IFI44: variants seen among roughly 807,000 people sequenced by gnomAD.
IFI44 encodes the protein interferon-induced protein 44.
A neutral mutation model predicts 45.0 loss-of-function variants in IFI44; 42 were observed. The ratio of observed to expected loss-of-function variants is 0.93; its 90% CI spans 0.73 to 1.21. The LOEUF (loss-of-function observed/expected upper bound fraction) is 1.21. Among genes scored for constraint, IFI44 ranks in the 50% most tolerant of loss-of-function variants. The pLI, the probability that IFI44 is intolerant of heterozygous loss-of-function variation, is 0.00. For synonymous variants in IFI44, 221 were observed against 188.6 expected, an observed-to-expected ratio of 1.17 and a Z score of -1.41; for missense variants, 623 against 525.8, an observed-to-expected ratio of 1.18 and a Z score of -1.81.
chr1:78,655,639 C>G, intron 5 of IFI44, 128 bp downstream of exon 5: 1 of 814,074 alleles, frequency 1.2e-6, no homozygotes, highest in South Asian at 2.1e-5. Context: ...TTTTTTTTTT[C>G]AAAAAGAATA....
At chr1:78,650,796 T>G in intron 2 of IFI44, 144 bp downstream of exon 2, 2 of 586,340 alleles carry the variant, frequency 3.4e-6, no homozygotes, top group East Asian at 5.7e-5. Flanking sequence ...ACAGATTGTT[T>G]GCTAAGAGAC....
Position 78,659,479 on chromosome 1 carries a change from C to G in IFI44, c.1008C>G (p.Asn336Lys). 6.2e-7 allele frequency: 1 copy of G among 1,610,592 alleles called. No homozygotes were observed. The highest frequency in any genetic ancestry group is 8.5e-7 in the Non-Finnish European group (1 of 1,177,492). ...KIKRIRRELV[N>K]AGVVHVALLT... ...AAAGAATTCGAAGGGAGTTGGTAAA[C>G]GCTGGTGAGTCTCATTCCACTTTGC... Residue 336 changes from asparagine (N) to lysine (K), a missense_variant, in exon 6 of 9, where the codon AAC (asparagine) becomes AAG (lysine). Transcript: ENST00000370747.
At chr1:78,651,723 A>C (rs1243862853) in intron 2 of IFI44, among the ~76,000 whole-genome samples, 1 of 152,178 alleles carries the variant, frequency 6.6e-6, no homozygotes, top group Non-Finnish European at 1.5e-5. Context: ...GTCCCTGGCA[A>C]ACCACCATTC....
chr1:78,655,626 A>G, intron 5 of IFI44, 115 bp downstream of exon 5: 1 of 981,888 alleles, frequency 1.0e-6, no homozygotes, highest in African/African-American at 1.7e-5. Context: ...TGTCTCTTTT[A>G]GATTTTTTTT....
At position 78,652,491 on chromosome 1, in the gene IFI44, A is replaced by C. The variant is rs111679981; in HGVS notation, c.458-1752A>C. 6.5e-3 allele frequency among the ~76,000 whole-genome samples: 988 copies of C among 152,346 alleles called. 7 individuals are homozygous for C. Among genetic ancestry groups the C allele is most frequent in the African/African-American group, 0.023 (947 of 41,570 alleles). ...AAATATCATTAGTCTATTTACCAGGACATAAAATTACCAGCGTATTTATTA... is the reference window on the plus strand; with the variant it reads ...AAATATCATTAGTCTATTTACCAGGCCATAAAATTACCAGCGTATTTATTA... On this transcript the variant is annotated intron_variant, in intron 2 of 8. Transcript: ENST00000370747.
At chr1:78,658,846 A>T (rs1243996202) in intron 5 of IFI44, among the ~76,000 whole-genome samples, 5 of 152,124 alleles carry the variant, frequency 3.3e-5, no homozygotes, top group Non-Finnish European at 7.4e-5. Flanking sequence ...TAATCTTTGC[A>T]TATATCATTT....
chr1:78,656,312 T>C (rs1258287972), intron 5 of IFI44, among the ~76,000 whole-genome samples: 1 of 152,220 alleles, frequency 6.6e-6, no homozygotes, highest in Non-Finnish European at 1.5e-5. Flanking sequence ...TCTAAGTATA[T>C]ATTTTTTAAA....
intron 7 of IFI44, 62 bp downstream of exon 7, chr1:78,660,716 G>A (rs1403979413): frequency 9.4e-7 from 1 of 1,061,828 alleles, no homozygotes; most frequent in South Asian, 1.3e-5. Flanking sequence ...TCACATACTA[G>A]TGTGTATAAA....
chr1:78,655,333 CT>C (rs747211254), intron 4 of IFI44, 28 bp from the exon 5 acceptor site: 1 of 1,571,274 alleles, frequency 6.4e-7, no homozygotes, highest in Admixed American at 2.0e-5. Flanking sequence ...AAAAATGAAT[CT>C]TTAAAATTGC....
rs1647324730 is a variant in IFI44 at position 78,659,410 on chromosome 1, C to T, written c.939C>T (p.Ala313=). 6.2e-7 allele frequency: 1 copy of T among 1,613,212 alleles called. No individual in the cohort carries two copies. Among genetic ancestry groups the T allele is most frequent in the Non-Finnish European group, 8.5e-7 (1 of 1,179,458 alleles). ...RIHCVAFVFD[A]SSIQYFSSQM... ...ATTGTGTGGCATTTGTATTTGATGC[C>T]AGCTCTATTCAATACTTCTCCTCTC... The change falls in exon 6 of 9, where the codon GCC becomes GCT. Residue 313 remains alanine, a synonymous_variant. Coordinates refer to ENST00000370747, the MANE Select transcript of IFI44 (RefSeq NM_006417.5).
chr1:78,655,031 T>C lies in IFI44; in HGVS notation c.512T>C (p.Leu171Pro), dbSNP rs1647183918. The change falls in exon 4 of 9, where the codon CTG (leucine) becomes CCG (proline). Residue 171 changes from leucine (L) to proline (P), a missense_variant. Coordinates refer to ENST00000370747, the MANE Select transcript of IFI44 (RefSeq NM_006417.5). Reference protein sequence around the residue: ...KGVIELRKSLLSALRTYEPYG... With the variant: ...KGVIELRKSLPSALRTYEPYG... ...CTAAACAGGCTCAGGAAGAGCTTAC[T>C]GTCTGCCTTGAGAACTTATGAACCA... The C allele has an allele frequency of 3.1e-6, 5 of 1,613,040 alleles. No homozygotes were observed. Among genetic ancestry groups the C allele is most frequent in the Non-Finnish European group, 4.2e-6 (5 of 1,179,372 alleles).
At position 78,659,409 on chromosome 1, in the gene IFI44, C is replaced by T. The variant is rs761982466; in HGVS notation, c.938C>T (p.Ala313Val). The T allele has an allele frequency of 5.0e-6, 8 of 1,613,120 alleles. No homozygotes were observed. The highest frequency in any genetic ancestry group is 5.9e-6 in the Non-Finnish European group (7 of 1,179,270). The change falls in exon 6 of 9, where the codon GCC becomes GTC. Residue 313 changes from alanine to valine, a missense_variant. By Grantham distance (64) the Ala-to-Val change is moderately conservative. Coordinates refer to ENST00000370747, the MANE Select transcript of IFI44 (RefSeq NM_006417.5). ...RIHCVAFVFDASSIQYFSSQM... is the reference protein window; with the variant it reads ...RIHCVAFVFDVSSIQYFSSQM... The stretch of plus-strand genomic sequence containing the variant: ...CATTGTGTGGCATTTGTATTTGATG[C>T]CAGCTCTATTCAATACTTCTCCTCT...
Position 78,661,201 on chromosome 1 carries a change from A to G in IFI44, c.1113+547A>G, listed in dbSNP as rs567600075. On this transcript the variant is annotated intron_variant, in intron 7 of 8. Coordinates refer to ENST00000370747, the MANE Select transcript of IFI44 (RefSeq NM_006417.5). ...CCTCTGTCTCTCAGCAGCTGGGATT[A>G]CAGGCACATGCCACCATGCCTGGCT... Among the ~76,000 whole-genome samples the G allele has an allele frequency of 5.3e-5, 8 of 152,146 alleles. No homozygotes were observed. The South Asian group carries it at 1.7e-3, about 32-fold the overall frequency.
chr1:78,650,247 C>T lies in IFI44; in HGVS notation c.52C>T (p.His18Tyr), dbSNP rs1420634329. 2 of 1,610,422 alleles carry T rather than the reference C, an allele frequency of 1.2e-6. No homozygotes were observed. The highest frequency in any genetic ancestry group is 2.2e-5 in the South Asian group (2 of 90,942). ...TWLHEKILQN[H>Y]FGGKRLSLLY... ...GTTGCACGAAAAGATCCTGCAAAAT[C>T]ATTTTGGAGGGAAGCGGCTTAGCCT... Residue 18 changes from histidine (H) to tyrosine (Y), a missense_variant, in exon 2 of 9, where the codon CAT becomes TAT. Transcript: ENST00000370747.
rs1647167701 is a variant in IFI44 at position 78,654,149 on chromosome 1, A to G, written c.458-94A>G. Reference sequence around the variant, plus strand: ...ATTCTCATGGAAAGGCTATTTTTGTATTTGTCCCTAGTGAATTCACTGATA... The same window carrying G: ...ATTCTCATGGAAAGGCTATTTTTGTGTTTGTCCCTAGTGAATTCACTGATA... On this transcript the variant is annotated intron_variant, in intron 2 of 8. Coordinates refer to ENST00000370747, the MANE Select transcript of IFI44 (RefSeq NM_006417.5). 6.5e-6 allele frequency: 5 copies of G among 767,160 alleles called. No homozygotes were observed. In the East Asian group the frequency reaches 1.0e-4, roughly 15 times the overall value. The allele number at this position is 767,160 out of a possible 1,614,324, so 47.5% of individuals were successfully genotyped here.
At chr1:78,663,725 G>T in intron 8 of IFI44, 40 bp from the exon 9 acceptor site, 1 of 1,604,854 alleles carries the variant, frequency 6.2e-7, no homozygotes, top group South Asian at 1.1e-5. Context: ...TGCCTTTCCT[G>T]AGATAATCCA....
intron 5 of IFI44, among the ~76,000 whole-genome samples, chr1:78,656,811 T>C (rs1259312909): frequency 1.3e-5 from 2 of 151,054 alleles, no homozygotes; most frequent in Non-Finnish European, 3.0e-5. Context: ...TTTCTATTCA[T>C]GCAAGATTTT....
At chr1:78,654,134 A>T in intron 2 of IFI44, 109 bp from the exon 3 acceptor site, 4 of 722,918 alleles carry the variant, frequency 5.5e-6, no homozygotes, top group Non-Finnish European at 1.0e-5. Context: ...ATTCTCATGG[A>T]AAGGCTATTT....
chr1:78,660,061 T>C (rs1407631255), intron 6 of IFI44, among the ~76,000 whole-genome samples: 1 of 152,198 alleles, frequency 6.6e-6, no homozygotes, highest in African/African-American at 2.4e-5. Flanking sequence ...TCAACTTACC[T>C]GCTTGCTGAA....
Sources: gnomAD v4.1 joint callset for allele counts (sites outside exome capture counted in the v4.1 genomes callset) on GRCh38, gnomAD v4.1.1 for gene constraint, MANE v1.5 for transcripts, NCBI Gene and HGNC (gene_info 2026-07-23, HGNC 2026-07-21) for gene names.